The following KCTD5 variants were observed in gnomAD, a reference collection of about 807,000 sequenced individuals.
The protein encoded by KCTD5 is potassium channel tetramerization domain containing 5, also known as BTB/POZ domain-containing protein KCTD5.
Under a neutral mutation model 27.9 loss-of-function variants are expected in KCTD5, and 12 were observed. That is an observed-to-expected ratio of 0.43 (90% CI 0.28 to 0.70). The LOEUF (loss-of-function observed/expected upper bound fraction) is 0.70. Ranked by LOEUF, KCTD5 falls within the 30% of genes least tolerant of loss-of-function variation. KCTD5 has a pLI of 0.19. For missense variants in KCTD5, 226 were observed against 274.8 expected (o/e 0.82, Z 1.26); for synonymous variants, 147 against 121.4 (o/e 1.21, Z -1.39).
At chr16:2,702,524 A>G in intron 5 of KCTD5, 46 bp downstream of exon 5, 1 of 1,602,730 alleles carries the variant, frequency 6.2e-7, no homozygotes, top group Non-Finnish European at 8.5e-7. Flanking sequence ...TGGGTGGGGA[A>G]GGCTCTTGCC....
chr16:2,698,372 G>T (rs62034251), intron 3 of KCTD5, among the ~76,000 whole-genome samples: 20,402 of 152,302 alleles, frequency 0.13, 1,755 homozygotes, highest in Non-Finnish European at 0.2. Flanking sequence ...AGCATGGCTG[G>T]AGGGAGACAG....
intron 1 of KCTD5, among the ~76,000 whole-genome samples, chr16:2,685,175 C>T (rs1386647942): frequency 6.6e-6 from 1 of 152,068 alleles, no homozygotes; most frequent in Non-Finnish European, 1.5e-5. Flanking sequence ...CCTGTAATCC[C>T]AGCACTTTGG....
intron 4 of KCTD5, among the ~76,000 whole-genome samples, chr16:2,700,823 T>C (rs935106918): frequency 2.1e-5 from 3 of 142,902 alleles, no homozygotes; most frequent in Admixed American, 6.9e-5. Context: ...CCTTAAAATG[T>C]CACTAAAAAC....
At chr16:2,693,648 C>T (rs1210341053) in intron 1 of KCTD5, among the ~76,000 whole-genome samples, 1 of 152,234 alleles carries the variant, frequency 6.6e-6, no homozygotes, top group Non-Finnish European at 1.5e-5. Flanking sequence ...AGTTGCAGGG[C>T]TGGGGTTGCC....
At chr16:2,684,099 T>A (rs553565187) in intron 1 of KCTD5, 1 of 152,064 alleles carries the variant, frequency 6.6e-6, no homozygotes, top group Non-Finnish European at 1.5e-5. Context: ...TGATTTTCCT[T>A]TTATAAGTGT....
chr16:2,705,172 CAGATTAAGTGTG>C (rs1215467556), intron 5 of KCTD5, among the ~76,000 whole-genome samples: 1 of 152,176 alleles, frequency 6.6e-6, no homozygotes, highest in Non-Finnish European at 1.5e-5. Context: ...GGGAGTGGCT[CAGATTAAGTGTG>C]AATGTCATGG....
In KCTD5 at chr16:2,697,811, T is replaced by C. The variant is rs1016235908; in HGVS notation, c.362-95T>C. The stretch of plus-strand genomic sequence containing the variant: ...GCTGGGCCGAGCCATGGGCCCTCAT[T>C]GCAGGGGCAGGGGCAAGGGCAGGGG... On this transcript the variant is annotated intron_variant, in intron 2 of 5. Coordinates refer to ENST00000301738, the MANE Select transcript of KCTD5 (RefSeq NM_018992.4). 3.0e-5 allele frequency: 26 copies of C among 871,466 alleles called. No individual in the cohort carries two copies. The Admixed American group carries it at 5.3e-4, about 18-fold the overall frequency. 54.0% of individuals were successfully genotyped at this position (871,466 alleles called of 1,614,324 possible).
Position 2,682,567 on chromosome 16 carries a change from G to C in KCTD5, c.19G>C (p.Glu7Gln). MAENHC[E>Q]LLSPARGGIG... The stretch of plus-strand genomic sequence containing the variant: ...TGGGATCATGGCGGAGAATCACTGC[G>C]AGCTCCTGTCGCCGGCCCGGGGCGG... Residue 7 changes from glutamate to glutamine, a missense_variant, in exon 1 of 6, where the codon GAG (glutamate) becomes CAG (glutamine). By Grantham distance (29) the Glu-to-Gln change is conservative. Around this residue, in one of 2 missense-constraint regions of KCTD5, gnomAD observed 91 missense variants for 67.8 expected, o/e 1.34. Transcript: ENST00000301738. The C allele has an allele frequency of 1.4e-6, 2 of 1,414,254 alleles. No homozygotes were observed. Among genetic ancestry groups the C allele is most frequent in the Non-Finnish European group, 9.2e-7 (1 of 1,088,140 alleles). The allele number at this position is 1,414,254 out of a possible 1,614,324, so 87.6% of individuals were successfully genotyped here.
rs747212243 is a variant in KCTD5, at chr16:2,707,812, G to A, written c.*485G>A. 1.0e-4 allele frequency: 25 copies of A among 250,768 alleles called. No individual in the cohort carries two copies. Among genetic ancestry groups the A allele is most frequent in the Non-Finnish European group, 1.5e-4 (20 of 131,492 alleles). The allele number at this position is 250,768 out of a possible 1,614,324, so 15.5% of individuals were successfully genotyped here. On this transcript the variant is annotated 3_prime_UTR_variant, in exon 6 of 6. Coordinates refer to ENST00000301738, the MANE Select transcript of KCTD5 (RefSeq NM_018992.4). The stretch of plus-strand genomic sequence containing the variant: ...TCTGCTCTGCCTCCCAGGCGGGATC[G>A]CTGGTTTCTCTCGACCTCGCAGAGC...
At chr16:2,699,971 A>C (rs2067603944) in intron 4 of KCTD5, 55 bp downstream of exon 4, 1 of 1,508,356 alleles carries the variant, frequency 6.6e-7, no homozygotes, top group Non-Finnish European at 9.2e-7. Context: ...ACTTGTGCTC[A>C]CAATGGCTCA....
chr16:2,685,495 A>T (rs1307094708), intron 1 of KCTD5: 5 of 149,060 alleles, frequency 3.4e-5, no homozygotes, highest in Non-Finnish European at 6.0e-5. Context: ...AGTGACAGAT[A>T]GTTTGCCAAA....
intron 3 of KCTD5, chr16:2,699,450 C>T (rs2067601716): frequency 1.1e-5 from 4 of 359,560 alleles, no homozygotes; most frequent in South Asian, 4.1e-5. Flanking sequence ...GCTCTCAGGG[C>T]CCTGCTTGCC....
intron 5 of KCTD5, among the ~76,000 whole-genome samples, chr16:2,704,470 A>G (rs2067626100): frequency 1.3e-5 from 2 of 152,244 alleles, no homozygotes; most frequent in African/African-American, 2.4e-5. Context: ...CGGTCCACAC[A>G]TGAGCACACC....
intron 1 of KCTD5, among the ~76,000 whole-genome samples, chr16:2,695,397 T>A (rs2067582889): frequency 8.0e-6 from 1 of 125,204 alleles, no homozygotes; most frequent in Admixed American, 7.8e-5. Context: ...GCTCCCGGCC[T>A]GTTGGGCAGC....
At chr16:2,703,756 T>C (rs1226511069) in intron 5 of KCTD5, among the ~76,000 whole-genome samples, 1 of 152,136 alleles carries the variant, frequency 6.6e-6, no homozygotes, top group Non-Finnish European at 1.5e-5. Context: ...TCCACTGCCG[T>C]TCCTCGAGGC....
At chr16:2,702,212 G>C (rs1324480927) in intron 4 of KCTD5, 141 bp from the exon 5 acceptor site, 1 of 1,099,896 alleles carries the variant, frequency 9.1e-7, no homozygotes, top group Non-Finnish European at 1.3e-6. Flanking sequence ...CCGGGGATTT[G>C]TTTTCCATCC....
intron 2 of KCTD5, 87 bp from the exon 3 acceptor site, chr16:2,697,819 C>G: frequency 2.2e-6 from 2 of 929,290 alleles, no homozygotes; most frequent in Middle Eastern, 2.8e-4. Context: ...ATTGCAGGGG[C>G]AGGGGCAAGG....
At chr16:2,682,909 C>T in intron 1 of KCTD5, 109 bp downstream of exon 1, 2 of 1,340,918 alleles carry the variant, frequency 1.5e-6, no homozygotes, top group East Asian at 5.9e-5. Context: ...GGCGACTCTC[C>T]TCGGGCTTCG....
chr16:2,693,137 TACCC>T (rs941614439), intron 1 of KCTD5, among the ~76,000 whole-genome samples: 1 of 152,162 alleles, frequency 6.6e-6, no homozygotes, highest in Non-Finnish European at 1.5e-5. Context: ...CCACTCTCAC[TACCC>T]ACCCCAGGCC....
Sources: gnomAD v4.1 joint callset for allele counts (sites outside exome capture counted in the v4.1 genomes callset) on GRCh38, gnomAD v4.1.1 for gene constraint, gnomAD v4.1.1 regional missense constraint, MANE v1.5 for transcripts, NCBI Gene and HGNC (gene_info 2026-07-23, HGNC 2026-07-21) for gene names.